The following GRM4 variants were observed in gnomAD, a reference collection of about 807,000 sequenced individuals.
GRM4 encodes the protein glutamate metabotropic receptor 4, also known as metabotropic glutamate receptor 4.
In GRM4, 28 loss-of-function variants were observed where a neutral mutation model predicts 81.7. That is an observed-to-expected ratio of 0.34 (90% CI 0.25 to 0.47). The LOEUF (loss-of-function observed/expected upper bound fraction) is 0.47. GRM4 is among the 20% of genes least tolerant of loss of function. GRM4 has a pLI of 1.00. For synonymous variants in GRM4, 488 were observed against 528.8 expected (o/e 0.92, Z 1.06); for missense variants, 948 against 1,290.0 (o/e 0.73, Z 4.06).
At chr6:34,057,646 G>C (rs1765976637) in intron 5 of GRM4, among the ~76,000 whole-genome samples, 1 of 152,238 alleles carries the variant, frequency 6.6e-6, no homozygotes, top group African/African-American at 2.4e-5. Flanking sequence ...TATCCCCTTG[G>C]GGGGCAAAAT....
intron 8 of GRM4, 50 bp downstream of exon 8, chr6:34,040,128 G>A: frequency 6.3e-7 from 1 of 1,587,190 alleles, no homozygotes; most frequent in South Asian, 1.1e-5. Flanking sequence ...CCTCCCAGGG[G>A]CTGGAACTGC....
chr6:34,077,461 C>T (rs2127475683), intron 3 of GRM4, among the ~76,000 whole-genome samples: 1 of 152,256 alleles, frequency 6.6e-6, no homozygotes, highest in South Asian at 2.1e-4. Context: ...CACAGCCCCA[C>T]ACCTGCCACA....
intron 6 of GRM4, among the ~76,000 whole-genome samples, chr6:34,044,128 A>C (rs1309104936): frequency 6.6e-6 from 1 of 151,012 alleles, no homozygotes; most frequent in African/African-American, 2.5e-5. Flanking sequence ...AGACACACAC[A>C]CACACATATA....
intron 2 of GRM4, among the ~76,000 whole-genome samples, chr6:34,123,428 A>G (rs540412896): frequency 2.0e-5 from 3 of 152,180 alleles, no homozygotes; most frequent in East Asian, 3.9e-4. Context: ...GAGGACAAAC[A>G]TGACCGGGCC....
chr6:34,138,844 G>C (rs1311476542), intron 1 of GRM4, among the ~76,000 whole-genome samples: 1 of 152,186 alleles, frequency 6.6e-6, no homozygotes, highest in African/African-American at 2.4e-5. Flanking sequence ...AATGATTCCA[G>C]GGCCTCTCGT....
intron 9 of GRM4, among the ~76,000 whole-genome samples, chr6:34,033,729 C>A (rs887001215): frequency 1.4e-5 from 2 of 144,642 alleles, no homozygotes; most frequent in Admixed American, 6.7e-5. Flanking sequence ...CTCTCTCTCT[C>A]TTTATTTCTT....
chr6:34,044,171 T>G (rs796992827), intron 6 of GRM4, among the ~76,000 whole-genome samples: 1 of 141,174 alleles, frequency 7.1e-6, no homozygotes, highest in African/African-American at 2.6e-5. Flanking sequence ...TACACACACA[T>G]ATACATACAT....
chr6:34,028,905 A>G (rs1173059135), intron 9 of GRM4, among the ~76,000 whole-genome samples: 1 of 152,292 alleles, frequency 6.6e-6, no homozygotes, highest in African/African-American at 2.4e-5. Context: ...ACGGTCCCCC[A>G]GTGCAGAGCA....
rs560066439 is a variant in GRM4, at chr6:34,130,308, C to G, written c.519+2670G>C. 6.2e-4 allele frequency among the ~76,000 whole-genome samples: 95 copies of G among 152,298 alleles called. No homozygotes were observed. Among genetic ancestry groups the G allele is most frequent in the African/African-American group, 2.1e-3 (89 of 41,556 alleles). ...TTTTCTCCCCGCTGTCCCTCCCTTT[C>G]CTTGCTGTCCTGCTTTCTTCTCCAC... On this transcript the variant is annotated intron_variant, in intron 2 of 10. Coordinates refer to ENST00000538487, the MANE Select transcript of GRM4 (RefSeq NM_000841.4). This position sits in a 1 kb window ranked among gnomAD's most constrained non-coding sequence, Gnocchi z 4.1.
chr6:34,050,288 G>C (rs1398860205), intron 6 of GRM4, among the ~76,000 whole-genome samples: 2 of 152,158 alleles, frequency 1.3e-5, no homozygotes. Flanking sequence ...GAAATCGTTA[G>C]GATGTTTGTC....
In GRM4 at chr6:34,034,232, A is replaced by T. The variant is rs1417179677; in HGVS notation, c.2442+1436T>A. The stretch of plus-strand genomic sequence containing the variant: ...CTCCTGCCCCTCCCAGGCTCCTCTC[A>T]TTGTCTGCTCTTCCTTAGCATGGGA... On this transcript the variant is annotated intron_variant, in intron 9 of 10. Transcript: ENST00000538487. The surrounding 1 kb of genome is among the most constrained non-coding windows in gnomAD (Gnocchi z 4.0). Among the ~76,000 whole-genome samples the T allele has an allele frequency of 1.3e-5, 2 of 152,072 alleles. No homozygotes were observed. Among genetic ancestry groups the T allele is most frequent in the African/African-American group, 2.4e-5 (1 of 41,394 alleles).
intron 2 of GRM4, among the ~76,000 whole-genome samples, chr6:34,117,622 A>C (rs1367072761): frequency 6.6e-6 from 1 of 152,144 alleles, no homozygotes. Flanking sequence ...CCTGCAGTTC[A>C]TCCGGCACGT....
exon 1 of GRM4, chr6:34,155,145 G>A (rs1771124090): frequency 2.0e-6 from 3 of 1,534,866 alleles, no homozygotes; most frequent in South Asian, 2.4e-5. Flanking sequence ...TTCCCAGCTG[G>A]GCGGCCGCCC....
rs1404819954 is a variant in GRM4 at position 34,064,261 on chromosome 6, T to A, written c.737-2233A>T. 6.6e-6 allele frequency among the ~76,000 whole-genome samples: 1 copy of A among 152,150 alleles called. No individual in the cohort carries two copies. ...TAATGAACATTTATGGAGTGTCCAA[T>A]GCATGGGAAATGCTATTCTGCAAAT... is the stretch of plus-strand genomic sequence containing the variant. On this transcript the variant is annotated intron_variant, in intron 3 of 10. Transcript: ENST00000538487. This position sits in a 1 kb window ranked among gnomAD's most constrained non-coding sequence, Gnocchi z 4.4.
At chr6:34,095,295 C>A (rs1006392396) in intron 2 of GRM4, among the ~76,000 whole-genome samples, 9 of 152,174 alleles carry the variant, frequency 5.9e-5, no homozygotes, top group African/African-American at 2.2e-4. Context: ...GATGTGTCCA[C>A]CTGCCAGCCT....
intron 2 of GRM4, among the ~76,000 whole-genome samples, chr6:34,123,930 T>G (rs1769916446): frequency 6.6e-6 from 1 of 151,512 alleles, no homozygotes; most frequent in South Asian, 2.1e-4. Context: ...AGTAACGGGG[T>G]GGGGTCCGAA....
At position 34,036,896 on chromosome 6, in the gene GRM4, C is replaced by G. The variant is rs1764741675; in HGVS notation, c.1507-293G>C. 6.6e-6 allele frequency among the ~76,000 whole-genome samples: 1 copy of G among 152,208 alleles called. No individual in the cohort carries two copies. Among genetic ancestry groups the G allele is most frequent in the Non-Finnish European group, 1.5e-5 (1 of 68,036 alleles). ...GAAAGCAGTAGTGACAACCTAGAGT[C>G]ACAGGAAACAACAGTGCAGAGCAAA... On this transcript the variant is annotated intron_variant, in intron 8 of 10. Coordinates refer to ENST00000538487, the MANE Select transcript of GRM4 (RefSeq NM_000841.4). This position sits in a 1 kb window ranked among gnomAD's most constrained non-coding sequence, Gnocchi z 9.0.
At chr6:34,039,830 C>A (rs1188178364) in intron 8 of GRM4, among the ~76,000 whole-genome samples, 1 of 151,976 alleles carries the variant, frequency 6.6e-6, no homozygotes, top group African/African-American at 2.4e-5. Context: ...CCATCACCCC[C>A]CACTTGCCCA....
At chr6:34,155,602 C>T in exon 1 of GRM4, 2 of 464,676 alleles carry the variant, frequency 4.3e-6, no homozygotes, top group South Asian at 8.6e-5. Context: ...TCAAGCGATC[C>T]TCCAGCAAAG....
Sources: allele counts gnomAD v4.1 joint callset (sites outside exome capture counted in the v4.1 genomes callset), GRCh38; gene constraint gnomAD v4.1.1; non-coding constraint Gnocchi (gnomAD v3.1); transcripts MANE v1.5; gene names NCBI Gene and HGNC (gene_info 2026-07-23, HGNC 2026-07-21).